Variants in ADAMTSL1 observed in about 807,000 individuals in gnomAD.
ADAMTSL1 encodes ADAMTS-like protein 1.
ADAMTSL1 carries 126 observed loss-of-function variants against 201.8 expected under a neutral mutation model. The ratio of observed to expected loss-of-function variants is 0.62; its 90% CI spans 0.54 to 0.72. ADAMTSL1 has a LOEUF of 0.72. ADAMTSL1 is among the 30% of genes least tolerant of loss of function. The pLI is 0.00. For missense variants in ADAMTSL1, 2,679 were observed against 2,277.8 expected (o/e 1.18, Z -3.59); for synonymous variants, 1,121 against 903.4 (o/e 1.24, Z -4.32).
intron 2 of ADAMTSL1, among the ~76,000 whole-genome samples, chr9:18,370,922 A>T (rs908443302): frequency 1.6e-4 from 25 of 152,114 alleles, no homozygotes; most frequent in African/African-American, 4.8e-4. Flanking sequence ...AATATTCTAG[A>T]TGTAGTCATT....
chr9:18,046,920 T>C (rs1563968197), intron 1 of ADAMTSL1, among the ~76,000 whole-genome samples: 2 of 152,156 alleles, frequency 1.3e-5, no homozygotes, highest in African/African-American at 4.8e-5. Flanking sequence ...CTGAATTTTC[T>C]TCTGCAGTAT....
chr9:18,355,062 A>G (rs1033761399), intron 2 of ADAMTSL1, among the ~76,000 whole-genome samples: 2 of 152,176 alleles, frequency 1.3e-5, no homozygotes, highest in African/African-American at 4.8e-5. Flanking sequence ...GCTGAGTTCC[A>G]GGGAGCCCCA....
chr9:18,751,354 G>A (rs1819457822), intron 15 of ADAMTSL1, among the ~76,000 whole-genome samples: 1 of 152,288 alleles, frequency 6.6e-6, no homozygotes, highest in African/African-American at 2.4e-5. Flanking sequence ...AAGTGCAGAG[G>A]CTCTAGAGCC....
chr9:18,354,636 A>C (rs926757967), intron 2 of ADAMTSL1, among the ~76,000 whole-genome samples: 1 of 152,142 alleles, frequency 6.6e-6, no homozygotes, highest in Non-Finnish European at 1.5e-5. Context: ...TAAAGGTGGG[A>C]GAGTGGTGTG....
intron 1 of ADAMTSL1, among the ~76,000 whole-genome samples, chr9:17,955,711 G>A (rs1406574052): frequency 1.3e-5 from 2 of 152,112 alleles, no homozygotes; most frequent in Non-Finnish European, 2.9e-5. Context: ...TCAGTTATTA[G>A]ATTAACTGTT....
At chr9:18,296,939 AG>A (rs1431615092) in intron 2 of ADAMTSL1, among the ~76,000 whole-genome samples, 1 of 152,246 alleles carries the variant, frequency 6.6e-6, no homozygotes, top group Non-Finnish European at 1.5e-5. Flanking sequence ...CAAATGCTGA[AG>A]TTGAGTACTT....
chr9:18,588,241 A>G (rs1823646529), intron 4 of ADAMTSL1, among the ~76,000 whole-genome samples: 1 of 152,144 alleles, frequency 6.6e-6, no homozygotes, highest in Non-Finnish European at 1.5e-5. Context: ...ATTTTTTTAC[A>G]TGCCTGTCAG....
At chr9:18,199,018 C>T (rs1421519915) in intron 2 of ADAMTSL1, among the ~76,000 whole-genome samples, 1 of 143,790 alleles carries the variant, frequency 7.0e-6, no homozygotes, top group African/African-American at 2.6e-5. Context: ...AACAAAAAAC[C>T]AAACACCGCA....
At chr9:18,030,054 C>T (rs940182204) in intron 1 of ADAMTSL1, among the ~76,000 whole-genome samples, 3 of 152,138 alleles carry the variant, frequency 2.0e-5, no homozygotes, top group African/African-American at 7.2e-5. Flanking sequence ...TGGGTATATA[C>T]CCAAAGGATT....
intron 1 of ADAMTSL1, among the ~76,000 whole-genome samples, chr9:18,119,228 G>T (rs1330714953): frequency 6.6e-6 from 1 of 152,084 alleles, no homozygotes; most frequent in Admixed American, 6.6e-5. Context: ...TCTTATTTTG[G>T]ATGTAGGCTA....
chr9:18,818,112 C>T (rs2131190586), intron 21 of ADAMTSL1, among the ~76,000 whole-genome samples: 1 of 152,288 alleles, frequency 6.6e-6, no homozygotes, highest in East Asian at 1.9e-4. Context: ...CTATTTTTCC[C>T]TTCATGTAGA....
rs369831886 is a variant in ADAMTSL1, at chr9:18,767,798, A to G, written c.2218-2804A>G. Among the ~76,000 whole-genome samples the G allele has an allele frequency of 3.3e-5, 5 of 152,370 alleles. No individual in the cohort carries two copies. In the East Asian group the frequency reaches 7.7e-4, roughly 23 times the overall value. ...AAATTAAAATTTGCTTCTTCAATAC[A>G]GAAGAGCCCACAGAGTCACTGAAAT... On this transcript the variant is annotated intron_variant, in intron 16 of 28. Coordinates refer to ENST00000380548, the MANE Select transcript of ADAMTSL1 (RefSeq NM_001040272.6).
At chr9:18,522,280 C>A (rs1192160717) in intron 2 of ADAMTSL1, among the ~76,000 whole-genome samples, 1 of 151,844 alleles carries the variant, frequency 6.6e-6, no homozygotes, top group Non-Finnish European at 1.5e-5. Flanking sequence ...CACTTGTACC[C>A]GAGTCTAAAA....
intron 1 of ADAMTSL1, among the ~76,000 whole-genome samples, chr9:17,944,186 C>T (rs892422089): frequency 6.6e-6 from 1 of 151,982 alleles, no homozygotes; most frequent in South Asian, 2.1e-4. Context: ...AAACAGAGAG[C>T]CAAATCATGA....
intron 1 of ADAMTSL1, among the ~76,000 whole-genome samples, chr9:18,125,885 A>C (rs889007101): frequency 1.3e-5 from 2 of 152,198 alleles, no homozygotes; most frequent in Non-Finnish European, 2.9e-5. Context: ...CAGTATGCTG[A>C]GAAAGGGCAG....
intron 23 of ADAMTSL1, among the ~76,000 whole-genome samples, chr9:18,845,148 G>A (rs542642305): frequency 3.5e-4 from 54 of 152,322 alleles, no homozygotes; most frequent in Non-Finnish European, 5.1e-4. Flanking sequence ...CCTGGGAGCT[G>A]TAGACCGGAG....
chr9:18,766,092 G>T (rs972013866), intron 16 of ADAMTSL1, among the ~76,000 whole-genome samples: 3 of 152,166 alleles, frequency 2.0e-5, no homozygotes, highest in African/African-American at 7.2e-5. Flanking sequence ...GGGAAAGGGG[G>T]GGTGTCGTAA....
At chr9:18,239,287 C>T (rs1305628605) in intron 2 of ADAMTSL1, among the ~76,000 whole-genome samples, 2 of 152,198 alleles carry the variant, frequency 1.3e-5, no homozygotes, top group African/African-American at 4.8e-5. Context: ...TGTTTGATGG[C>T]ATTTTACCCA....
intron 2 of ADAMTSL1, among the ~76,000 whole-genome samples, chr9:18,320,822 T>C (rs532265799): frequency 6.6e-6 from 1 of 152,096 alleles, no homozygotes; most frequent in Non-Finnish European, 1.5e-5. Context: ...TGTAGTAATA[T>C]CTAAAAATTT....
Sources: gnomAD v4.1 joint callset for allele counts (sites outside exome capture counted in the v4.1 genomes callset) on GRCh38, gnomAD v4.1.1 for gene constraint, MANE v1.5 for transcripts, NCBI Gene and HGNC (gene_info 2026-07-23, HGNC 2026-07-21) for gene names.